Variants in FER1L6 observed in about 807,000 individuals in gnomAD.
The protein encoded by FER1L6 is fer-1-like protein 6.
FER1L6 carries 177 observed loss-of-function variants against 219.2 expected under a neutral mutation model. The observed-to-expected ratio is 0.81, with a 90% CI of 0.71 to 0.91. The LOEUF (loss-of-function observed/expected upper bound fraction) is 0.91. Among genes scored for constraint, FER1L6 ranks in the 40% least tolerant of loss-of-function variants. FER1L6 has a pLI of 0.00. For missense variants in FER1L6, 2,153 were observed against 2,259.9 expected, an observed-to-expected ratio of 0.95 and a Z score of 0.96; for synonymous variants, 768 against 824.3, an observed-to-expected ratio of 0.93 and a Z score of 1.17.
At chr8:123,933,666 A>G (rs757884255) in intron 1 of FER1L6, among the ~76,000 whole-genome samples, 7 of 152,352 alleles carry the variant, frequency 4.6e-5, no homozygotes, top group East Asian at 1.9e-4. Flanking sequence ...GGAAAAGTAT[A>G]TGAAACAAAA....
chr8:124,098,684 C>T (rs565423963), intron 37 of FER1L6, among the ~76,000 whole-genome samples: 1 of 152,298 alleles, frequency 6.6e-6, no homozygotes, highest in East Asian at 1.9e-4. Context: ...ATCTCATCAC[C>T]AGTTTAGGAA....
chr8:123,931,804 G>A (rs1813780088), intron 1 of FER1L6, among the ~76,000 whole-genome samples: 1 of 152,158 alleles, frequency 6.6e-6, no homozygotes, highest in Non-Finnish European at 1.5e-5. Context: ...CAAAAATATA[G>A]GCAGAGAACT....
chr8:123,966,320 G>A, intron 5 of FER1L6, 30 bp downstream of exon 5: 1 of 1,612,702 alleles, frequency 6.2e-7, no homozygotes, highest in African/African-American at 1.3e-5. Context: ...CACAGCTTTT[G>A]CACTAAGATT....
At chr8:124,014,840 A>T (rs1174609834) in intron 15 of FER1L6, among the ~76,000 whole-genome samples, 1 of 152,102 alleles carries the variant, frequency 6.6e-6, no homozygotes, top group African/African-American at 2.4e-5. Flanking sequence ...TTATTATCTC[A>T]CTGTTTCTGT....
At chr8:123,991,361 G>A (rs1356781792) in intron 12 of FER1L6, among the ~76,000 whole-genome samples, 2 of 152,076 alleles carry the variant, frequency 1.3e-5, no homozygotes, top group African/African-American at 4.8e-5. Flanking sequence ...GTTTCCATTT[G>A]TGTCATCTAT....
intron 1 of FER1L6, among the ~76,000 whole-genome samples, chr8:123,878,580 T>G (rs1050503384): frequency 6.6e-5 from 10 of 152,242 alleles, no homozygotes; most frequent in Non-Finnish European, 1.5e-5. Flanking sequence ...CCAGGCCCTG[T>G]GCAGCACTAG....
intron 1 of FER1L6, among the ~76,000 whole-genome samples, chr8:123,951,885 A>G (rs1814783568): frequency 6.6e-6 from 1 of 152,206 alleles, no homozygotes. Context: ...AGCATGGGCC[A>G]GTACTGGGCA....
At chr8:123,969,609 A>G (rs976297144) in intron 5 of FER1L6, among the ~76,000 whole-genome samples, 1 of 152,134 alleles carries the variant, frequency 6.6e-6, no homozygotes, top group Non-Finnish European at 1.5e-5. Context: ...TTGGAGGATT[A>G]CTGACACATA....
chr8:124,025,812 G>A (rs1818683475), intron 18 of FER1L6, among the ~76,000 whole-genome samples: 1 of 150,354 alleles, frequency 6.7e-6, no homozygotes, highest in Admixed American at 6.6e-5. Context: ...CATGAGCATG[G>A]GAGGTATTTG....
chr8:123,880,720 A>G (rs1000396691), intron 1 of FER1L6, among the ~76,000 whole-genome samples: 3 of 152,232 alleles, frequency 2.0e-5, no homozygotes, highest in Non-Finnish European at 4.4e-5. Flanking sequence ...GTACCCAGGG[A>G]AAGGAAATGG....
rs139005492 is a variant in FER1L6 at position 124,114,448 on chromosome 8, C to T, written c.5290-4396C>T. ...CCAGTAGCAAAGAAGACTCCTAGCA[C>T]GTAGATCCTGGTTTCTATACATCAG... is the stretch of plus-strand genomic sequence containing the variant. On this transcript the variant is annotated intron_variant, in intron 39 of 40. Coordinates refer to ENST00000522917, the MANE Select transcript of FER1L6 (RefSeq NM_001039112.2). 1.1e-3 allele frequency among the ~76,000 whole-genome samples: 163 copies of T among 152,162 alleles called. 1 individual carries two copies. Among genetic ancestry groups the T allele is most frequent in the Admixed American group, 3.1e-3 (48 of 15,280 alleles).
At chr8:123,977,694 G>A (rs1011006551) in intron 10 of FER1L6, 85 bp downstream of exon 10, 2 of 1,223,590 alleles carry the variant, frequency 1.6e-6, no homozygotes, top group Non-Finnish European at 2.3e-6. Flanking sequence ...GGCTAGAGCA[G>A]CAGTCCCCAG....
At chr8:124,097,030 C>G (rs1429076786) in intron 35 of FER1L6, among the ~76,000 whole-genome samples, 1 of 151,588 alleles carries the variant, frequency 6.6e-6, no homozygotes, top group South Asian at 2.1e-4. Flanking sequence ...TAAAGGTTTG[C>G]TCACCCTTCA....
intron 37 of FER1L6, among the ~76,000 whole-genome samples, chr8:124,099,161 C>T (rs1347653925): frequency 6.6e-6 from 1 of 152,140 alleles, no homozygotes; most frequent in Non-Finnish European, 1.5e-5. Flanking sequence ...TTCTCATCTC[C>T]CACTATTTTG....
intron 1 of FER1L6, among the ~76,000 whole-genome samples, chr8:123,936,838 TCTCA>T (rs1278814605): frequency 2.6e-5 from 4 of 152,214 alleles, no homozygotes; most frequent in Non-Finnish European, 4.4e-5. Context: ...CAATCTATTC[TCTCA>T]CTCCTTTTAC....
intron 21 of FER1L6, chr8:124,046,291 A>G (rs1403794121): frequency 1.2e-5 from 2 of 162,974 alleles, no homozygotes; most frequent in Non-Finnish European, 2.7e-5. Context: ...GGAGGTTTTT[A>G]CTGATCTCCC....
At chr8:123,879,493 A>T (rs1817067290) in intron 1 of FER1L6, among the ~76,000 whole-genome samples, 1 of 151,786 alleles carries the variant, frequency 6.6e-6, no homozygotes, top group South Asian at 2.1e-4. Context: ...TGCCCAGCTA[A>T]TTTTTTGTAT....
chr8:123,971,216 A>C (rs1466697424), intron 6 of FER1L6, among the ~76,000 whole-genome samples: 1 of 152,246 alleles, frequency 6.6e-6, no homozygotes, highest in Non-Finnish European at 1.5e-5. Flanking sequence ...AAAGTCCTGC[A>C]TTATGGCCTA....
intron 18 of FER1L6, among the ~76,000 whole-genome samples, chr8:124,025,844 A>AT (rs11384888): frequency 0.6 from 91,887 of 151,882 alleles, 28,518 homozygotes; most frequent in African/African-American, 0.73. Flanking sequence ...GTCATCTATG[A>AT]TTCTTAGAAT....
Sources: gnomAD v4.1 joint callset for allele counts (sites outside exome capture counted in the v4.1 genomes callset) on GRCh38, gnomAD v4.1.1 for gene constraint, MANE v1.5 for transcripts, NCBI Gene and HGNC (gene_info 2026-07-23, HGNC 2026-07-21) for gene names.